TRRAP: variants seen among roughly 807,000 people sequenced by gnomAD.
TRRAP encodes transformation/transcription domain-associated protein.
Under a neutral mutation model 438.8 loss-of-function variants are expected in TRRAP, and 41 were observed. The ratio of observed to expected loss-of-function variants is 0.09; its 90% confidence interval spans 0.07 to 0.12. TRRAP has a LOEUF of 0.12. Among genes scored for constraint, TRRAP ranks in the 10% least tolerant of loss-of-function variants. TRRAP has a pLI of 1.00. For missense variants in TRRAP, 3,122 were observed against 5,055.1 expected (o/e 0.62, Z 11.60); for synonymous variants, 1,994 against 1,962.9 (o/e 1.02, Z -0.42).
At chr7:98,931,264 G>T in intron 25 of TRRAP, 141 bp from the exon 26 acceptor site, 6 of 1,249,678 alleles carry the variant, frequency 4.8e-6, no homozygotes, top group Non-Finnish European at 6.5e-6. Context: ...AGTGGGTGCC[G>T]TGAAGTCACC....
intron 3 of TRRAP, among the ~76,000 whole-genome samples, chr7:98,886,980 C>T (rs1272336310): frequency 1.3e-5 from 2 of 152,204 alleles, no homozygotes; most frequent in Admixed American, 6.5e-5. Flanking sequence ...TAGCACACCA[C>T]AGCATTGAAC....
At chr7:98,975,844 T>G (rs1792631270) in intron 53 of TRRAP, 1 of 275,672 alleles carries the variant, frequency 3.6e-6, no homozygotes, top group Non-Finnish European at 6.7e-6. Context: ...TCAGTGTTTT[T>G]GTCCTTCTTG....
chr7:98,945,238 G>C (rs1213834313), intron 31 of TRRAP, among the ~76,000 whole-genome samples: 1 of 152,108 alleles, frequency 6.6e-6, no homozygotes, highest in African/African-American at 2.4e-5. Context: ...ACATACATGC[G>C]TGCACACACA....
intron 49 of TRRAP, among the ~76,000 whole-genome samples, chr7:98,966,439 C>G (rs1792162254): frequency 6.6e-6 from 1 of 152,098 alleles, no homozygotes; most frequent in Admixed American, 6.5e-5. Context: ...CATCCCAGCA[C>G]TTTGGGAGAC....
chr7:98,968,099 A>G (rs1364656040), intron 51 of TRRAP, among the ~76,000 whole-genome samples: 1 of 146,208 alleles, frequency 6.8e-6, no homozygotes, highest in African/African-American at 2.5e-5. Context: ...GCTCACTGCA[A>G]CCTCTGCCTT....
Position 98,948,746 on chromosome 7 carries a change from C to T in TRRAP, c.4788+61C>T, listed in dbSNP as rs536424599. On this transcript the variant is annotated intron_variant, in intron 35 of 72. Coordinates refer to ENST00000456197, the MANE Select transcript of TRRAP (RefSeq NM_001375524.1). The surrounding 1 kb of genome is among the most constrained non-coding windows in gnomAD (Gnocchi z 4.9). ...TCAAATGCTTGTGAGCTGTCGTGCT[C>T]TGAAATGTTCAGTTCATATTTCACT... 5.3e-5 allele frequency: 86 copies of T among 1,610,896 alleles called. No individual in the cohort carries two copies. The African/African-American group carries it at 1.0e-3, about 19-fold the overall frequency.
chr7:98,910,322 G>C lies in TRRAP; in HGVS notation c.1617G>C (p.Gln539His). ...GAGAAAAGGACAAGGAAGACAAGCA[G>C]ACATTCCAAGTCACAGACTGTCGAA... ...KQGEKDKEDKQTFQVTDCRSL... is the reference protein window; with the variant it reads ...KQGEKDKEDKHTFQVTDCRSL... Residue 539 changes from glutamine to histidine, a missense_variant, in exon 15 of 73, where the codon CAG (glutamine) becomes CAC (histidine). Gln to His is a conservative substitution (Grantham distance 24). Around this residue, in one of 24 missense-constraint regions of TRRAP, gnomAD observed 115 missense variants for 124.6 expected, o/e 0.92. Coordinates refer to ENST00000456197, the MANE Select transcript of TRRAP (RefSeq NM_001375524.1). The C allele has an allele frequency of 2.5e-6, 4 of 1,610,078 alleles. No homozygotes were observed. The highest frequency in any genetic ancestry group is 3.4e-6 in the Non-Finnish European group (4 of 1,179,880).
intron 69 of TRRAP, among the ~76,000 whole-genome samples, chr7:99,008,067 G>T (rs536514824): frequency 1.3e-5 from 2 of 151,216 alleles, no homozygotes; most frequent in Admixed American, 6.6e-5. Context: ...CTCGTGATCC[G>T]CCCACTGTGG....
At chr7:98,961,208 G>T in intron 45 of TRRAP, 53 bp from the exon 46 acceptor site, 1 of 1,571,740 alleles carries the variant, frequency 6.4e-7, no homozygotes, top group Non-Finnish European at 8.7e-7. Flanking sequence ...TCTAGAATTT[G>T]TTGTCATTGA....
At chr7:98,880,950 A>T (rs1554402942) in intron 1 of TRRAP, 140 bp from the exon 2 acceptor site, 1 of 411,804 alleles carries the variant, frequency 2.4e-6, no homozygotes, top group Non-Finnish European at 4.3e-6. Context: ...ACTTCATATT[A>T]AAAAAACCAG....
At chr7:98,953,115 C>T in intron 39 of TRRAP, 52 bp from the exon 40 acceptor site, 1 of 1,583,986 alleles carries the variant, frequency 6.3e-7, no homozygotes, top group Non-Finnish European at 8.6e-7. Flanking sequence ...GACCCTCAGT[C>T]AGTAACCCAG....
chr7:98,940,362 G>A (rs1478605840), intron 30 of TRRAP, among the ~76,000 whole-genome samples: 3 of 151,670 alleles, frequency 2.0e-5, no homozygotes, highest in Admixed American at 6.6e-5. Flanking sequence ...CTAATTTTTT[G>A]TATTTTTAGT....
chr7:99,000,431 C>A (rs1793864796), intron 67 of TRRAP, among the ~76,000 whole-genome samples: 1 of 152,246 alleles, frequency 6.6e-6, no homozygotes, highest in Admixed American at 6.5e-5. Flanking sequence ...CTATGGAAAT[C>A]CTGCCATGTG....
At chr7:98,907,032 AAGT>A (rs1349822514) in intron 13 of TRRAP, among the ~76,000 whole-genome samples, 1 of 151,830 alleles carries the variant, frequency 6.6e-6, no homozygotes, top group Non-Finnish European at 1.5e-5. Flanking sequence ...AAAAAAAAAA[AAGT>A]AGTTGTGGCC....
intron 47 of TRRAP, among the ~76,000 whole-genome samples, chr7:98,962,769 C>T (rs1009123587): frequency 6.6e-6 from 1 of 152,220 alleles, no homozygotes; most frequent in African/African-American, 2.4e-5. Flanking sequence ...TCACCACCAG[C>T]CTGCCTGTGA....
intron 23 of TRRAP, among the ~76,000 whole-genome samples, chr7:98,928,914 C>T (rs193123942): frequency 2.0e-5 from 3 of 150,720 alleles, no homozygotes; most frequent in Admixed American, 6.6e-5. Context: ...GCTGGGACTA[C>T]AGGCATGTAA....
chr7:98,976,493 G>A lies in TRRAP; in HGVS notation c.7970G>A (p.Gly2657Asp). The stretch of plus-strand genomic sequence containing the variant: ...GTGCTTTGGTTTCAGGCACTCGCGG[G>A]TGAGATAAGTCCATTTCTGTGCAGC... ...LSDRQQHALA[G>D]EISPFLCSGS... is the part of the protein sequence containing the mutation. The change falls in exon 55 of 73, where the codon GGT (glycine) becomes GAT (aspartate). Residue 2657 changes from glycine (G) to aspartate (D), a missense_variant. Physicochemically the swap from Gly to Asp is moderately conservative, Grantham distance 94. Around this residue, in one of 24 missense-constraint regions of TRRAP, gnomAD observed 992 missense variants for 1,281.2 expected, o/e 0.77. Coordinates refer to ENST00000456197, the MANE Select transcript of TRRAP (RefSeq NM_001375524.1). This position sits in a 1 kb window ranked among gnomAD's most constrained non-coding sequence, Gnocchi z 4.6. 6.2e-7 allele frequency: 1 copy of A among 1,609,212 alleles called. No individual in the cohort carries two copies. Among genetic ancestry groups the A allele is most frequent in the Admixed American group, 1.7e-5 (1 of 60,008 alleles).
At position 98,953,176 on chromosome 7, in the gene TRRAP, C is replaced by T. The variant is rs776015283; in HGVS notation, c.5473C>T (p.Pro1825Ser). Residue 1825 changes from proline to serine, a missense_variant, in exon 40 of 73, where the codon CCC (proline) becomes TCC (serine). Transcript: ENST00000456197. The stretch of plus-strand genomic sequence containing the variant: ...TGCTGTCCCTGCACAGGTCCTGGAC[C>T]CCGAGAAGCAGGCGGACATGCTGGA... ...TSVFITKVLDPEKQADMLDSL... is the reference protein window; with the variant it reads ...TSVFITKVLDSEKQADMLDSL... 6 of 1,612,492 alleles carry T rather than the reference C, an allele frequency of 3.7e-6. No homozygotes were observed. The East Asian group carries it at 8.9e-5, about 24-fold the overall frequency.
chr7:98,889,045 C>CTTTTT (rs11326725), intron 3 of TRRAP, among the ~76,000 whole-genome samples: 19 of 82,396 alleles, frequency 2.3e-4, no homozygotes, highest in Non-Finnish European at 2.7e-4. Flanking sequence ...CAAAACTTTA[C>CTTTTT]TTTTTTTTTT....
Sources: gnomAD v4.1 joint callset for allele counts (sites outside exome capture counted in the v4.1 genomes callset) on GRCh38, gnomAD v4.1.1 for gene constraint, gnomAD v4.1.1 regional missense constraint, Gnocchi (gnomAD v3.1) non-coding constraint, MANE v1.5 for transcripts, NCBI Gene and HGNC (gene_info 2026-07-23, HGNC 2026-07-21) for gene names.